SRRM4: variants seen among roughly 807,000 people sequenced by gnomAD.
The protein encoded by SRRM4 is serine/arginine repetitive matrix protein 4.
In SRRM4, 33 loss-of-function variants were observed where a neutral mutation model predicts 68.9. That is an observed-to-expected ratio of 0.48 (90% CI 0.36 to 0.64). The LOEUF (loss-of-function observed/expected upper bound fraction) is 0.64. Ranked by LOEUF, SRRM4 falls within the 30% of genes least tolerant of loss-of-function variation. The pLI, the probability that SRRM4 is intolerant of heterozygous loss-of-function variation, is 0.00. For missense variants in SRRM4, 817 were observed against 827.1 expected (o/e 0.99, Z 0.15); for synonymous variants, 318 against 318.8 (o/e 1.00, Z 0.03).
intron 1 of SRRM4, among the ~76,000 whole-genome samples, chr12:119,082,177 G>A (rs1953952840): frequency 6.6e-6 from 1 of 152,120 alleles, no homozygotes; most frequent in Admixed American, 6.6e-5. Flanking sequence ...TGAACTCCCA[G>A]CAGGGGCCTC....
At chr12:119,143,197 T>A (rs1954376996) in intron 8 of SRRM4, among the ~76,000 whole-genome samples, 1 of 152,238 alleles carries the variant, frequency 6.6e-6, no homozygotes, top group Non-Finnish European at 1.5e-5. Flanking sequence ...AGTTATGCTA[T>A]TCTCACAGTT....
At chr12:119,126,098 A>C (rs1954258066) in intron 7 of SRRM4, among the ~76,000 whole-genome samples, 1 of 126,104 alleles carries the variant, frequency 7.9e-6, no homozygotes, top group African/African-American at 3.1e-5. Context: ...ATCTTGGCTC[A>C]CTGCAACCTC....
At chr12:119,095,414 G>A (rs1229281694) in intron 1 of SRRM4, among the ~76,000 whole-genome samples, 3 of 152,180 alleles carry the variant, frequency 2.0e-5, no homozygotes, top group African/African-American at 7.2e-5. Context: ...GGTAGAACAA[G>A]TACCTGGGCC....
intron 1 of SRRM4, among the ~76,000 whole-genome samples, chr12:118,997,304 T>C (rs1953355740): frequency 6.6e-6 from 1 of 152,202 alleles, no homozygotes; most frequent in Admixed American, 6.5e-5. Flanking sequence ...AAGAGCCTTG[T>C]AACGTAAAGG....
intron 1 of SRRM4, among the ~76,000 whole-genome samples, chr12:119,086,574 A>G (rs1250219427): frequency 6.6e-6 from 1 of 152,180 alleles, no homozygotes; most frequent in Non-Finnish European, 1.5e-5. Flanking sequence ...GAAAAGGAGG[A>G]TGCCATAGTG....
At chr12:119,015,802 G>A (rs187460529) in intron 1 of SRRM4, among the ~76,000 whole-genome samples, 2 of 152,084 alleles carry the variant, frequency 1.3e-5, no homozygotes, top group Admixed American at 6.5e-5. Context: ...ACCCTGGACT[G>A]TCCTTCCCCC....
intron 1 of SRRM4, among the ~76,000 whole-genome samples, chr12:118,997,957 C>T (rs749621946): frequency 1.3e-4 from 20 of 152,082 alleles, no homozygotes; most frequent in Non-Finnish European, 2.8e-4. Context: ...TTAACTACCA[C>T]GTCCTACTGA....
intron 1 of SRRM4, among the ~76,000 whole-genome samples, chr12:119,075,532 A>C (rs957255563): frequency 1.4e-3 from 139 of 96,004 alleles, no homozygotes; most frequent in Non-Finnish European, 2.5e-3. Context: ...TGATGGTGAT[A>C]ATGGTAGCAA....
chr12:119,000,316 T>C (rs1953376321), intron 1 of SRRM4, among the ~76,000 whole-genome samples: 1 of 152,202 alleles, frequency 6.6e-6, no homozygotes, highest in Non-Finnish European at 1.5e-5. Context: ...ATACTTCTCT[T>C]GCTGAAGTGA....
At chr12:119,033,191 G>A (rs886085432) in intron 1 of SRRM4, among the ~76,000 whole-genome samples, 12 of 151,846 alleles carry the variant, frequency 7.9e-5, no homozygotes, top group African/African-American at 2.9e-4. Context: ...AAAACTTAGG[G>A]CAAATAATAT....
chr12:119,143,340 G>C (rs1490175808), intron 8 of SRRM4, among the ~76,000 whole-genome samples: 1 of 152,188 alleles, frequency 6.6e-6, no homozygotes, highest in African/African-American at 2.4e-5. Flanking sequence ...GAAAGAGTAG[G>C]CTTTTTATGG....
intron 1 of SRRM4, among the ~76,000 whole-genome samples, chr12:119,037,182 T>G (rs1189810385): frequency 6.6e-6 from 1 of 151,960 alleles, no homozygotes; most frequent in East Asian, 1.9e-4. Flanking sequence ...TTTGCTCAAA[T>G]GGTGATGGGG....
intron 8 of SRRM4, among the ~76,000 whole-genome samples, chr12:119,143,963 G>A (rs931123613): frequency 2.6e-5 from 4 of 152,134 alleles, no homozygotes; most frequent in African/African-American, 9.7e-5. Flanking sequence ...TGCTGGCAGA[G>A]GCCAGCATCA....
At chr12:119,041,942 T>C (rs1023788675) in intron 1 of SRRM4, among the ~76,000 whole-genome samples, 2 of 152,024 alleles carry the variant, frequency 1.3e-5, no homozygotes, top group African/African-American at 4.8e-5. Context: ...AGGCGGTGGG[T>C]AGAGGGTGGT....
At chr12:119,008,008 G>A (rs1953426063) in intron 1 of SRRM4, among the ~76,000 whole-genome samples, 1 of 152,172 alleles carries the variant, frequency 6.6e-6, no homozygotes, top group African/African-American at 2.4e-5. Context: ...CCATTAAGGG[G>A]ATTTGTTAGA....
chr12:119,102,480 A>C, intron 2 of SRRM4, 98 bp downstream of exon 2: 1 of 934,384 alleles, frequency 1.1e-6, no homozygotes, highest in Non-Finnish European at 1.6e-6. Context: ...CCTCTTTCAA[A>C]CCCTTAAATC....
chr12:118,985,284 G>T (rs551027299), intron 1 of SRRM4, among the ~76,000 whole-genome samples: 2 of 152,160 alleles, frequency 1.3e-5, no homozygotes, highest in African/African-American at 2.4e-5. Flanking sequence ...CAGTTAGGGG[G>T]TTGGGGATAA....
chr12:119,113,821 T>G (rs988753142), intron 2 of SRRM4, among the ~76,000 whole-genome samples: 3 of 152,188 alleles, frequency 2.0e-5, no homozygotes, highest in Non-Finnish European at 4.4e-5. Flanking sequence ...TCTCGTTACA[T>G]TAGACCTTGG....
At chr12:119,152,122 G>A (rs1954443187) in intron 10 of SRRM4, among the ~76,000 whole-genome samples, 2 of 152,094 alleles carry the variant, frequency 1.3e-5, no homozygotes, top group African/African-American at 4.8e-5. Context: ...CTATCCAAAC[G>A]AATCAACCCA....
Sources: allele counts gnomAD v4.1 joint callset (sites outside exome capture counted in the v4.1 genomes callset), GRCh38; gene constraint gnomAD v4.1.1; transcripts MANE v1.5; gene names NCBI Gene and HGNC (gene_info 2026-07-23, HGNC 2026-07-21).